The following FAM107B variants were observed in gnomAD, a reference collection of about 807,000 sequenced individuals.
FAM107B encodes protein FAM107B.
In FAM107B, 21 loss-of-function variants were observed where a neutral mutation model predicts 31.5. That is an observed-to-expected ratio of 0.67 (90% CI 0.47 to 0.96). The LOEUF is 0.96. Ranked by LOEUF, FAM107B falls within the 40% of genes least tolerant of loss-of-function variation. The probability of loss-of-function intolerance (pLI) is 0.00; values close to 1 mark genes in which losing one functional copy is unlikely to be tolerated. For missense variants in FAM107B, 452 were observed against 377.1 expected (o/e 1.20, Z -1.64); for synonymous variants, 157 against 141.5 (o/e 1.11, Z -0.78).
intron 1 of FAM107B, among the ~76,000 whole-genome samples, chr10:14,692,435 ACAAGG>A (rs1462062700): frequency 2.0e-5 from 3 of 152,142 alleles, no homozygotes; most frequent in Non-Finnish European, 2.9e-5. Flanking sequence ...TCCTTTAGGG[ACAAGG>A]GCAGATAACC....
rs192748636 is a variant in FAM107B, at chr10:14,611,431, G to A, written c.469+56203C>T. On this transcript the variant is annotated intron_variant, in intron 2 of 4. Transcript: ENST00000181796. ...TCTAGATACAGACATTTCCATTAGC[G>A]GGAAGTATCCTTTGGAATGCTTATA... Among the ~76,000 whole-genome samples, 1,118 of 147,974 alleles carry A rather than the reference G, an allele frequency of 7.6e-3. 29 individuals carry two copies. The highest frequency in any genetic ancestry group is 0.027 in the African/African-American group (1,069 of 40,132).
intron 2 of FAM107B, chr10:14,571,988 C>T: frequency 1.0e-6 from 1 of 985,398 alleles, no homozygotes; most frequent in African/African-American, 1.7e-5. Context: ...AGTAAGAATG[C>T]ACCTTCTGAC....
intron 1 of FAM107B, among the ~76,000 whole-genome samples, chr10:14,692,680 G>A (rs1036175436): frequency 6.6e-6 from 1 of 152,160 alleles, no homozygotes; most frequent in Non-Finnish European, 1.5e-5. Context: ...CGATTTGGAT[G>A]ATAAATTGTC....
intron 3 of FAM107B, chr10:14,527,999 CTTTTTTTT>C (rs57985098): frequency 5.5e-5 from 17 of 307,382 alleles, no homozygotes; most frequent in Non-Finnish European, 9.3e-5. Context: ...TCTGCCTTTT[CTTTTTTTT>C]TTTTTTAATG....
In FAM107B at chr10:14,648,574, T is replaced by C. The variant is rs1052661643; in HGVS notation, c.469+19060A>G. Among the ~76,000 whole-genome samples the C allele has an allele frequency of 5.3e-5, 8 of 152,172 alleles. No individual in the cohort carries two copies. The South Asian group carries it at 1.0e-3, about 20-fold the overall frequency. On this transcript the variant is annotated intron_variant, in intron 2 of 4. Coordinates refer to ENST00000181796, the MANE Select transcript of FAM107B (RefSeq NM_031453.4). ...CCAGCAGACACCGAAGAGCCAATGATACCAGGAGAAAACCAGAAGTGAATG... is the reference window on the plus strand; with the variant it reads ...CCAGCAGACACCGAAGAGCCAATGACACCAGGAGAAAACCAGAAGTGAATG...
chr10:14,730,405 C>T (rs1342324305), intron 1 of FAM107B, among the ~76,000 whole-genome samples: 1 of 152,054 alleles, frequency 6.6e-6, no homozygotes, highest in East Asian at 1.9e-4. Flanking sequence ...GATTTAAAGG[C>T]TAGAATTGGA....
At chr10:14,572,012 T>C (rs963604938) in intron 2 of FAM107B, 26 of 985,218 alleles carry the variant, frequency 2.6e-5, no homozygotes, top group African/African-American at 3.5e-5. Flanking sequence ...GGTAGTTCCT[T>C]AGAGCGGTGA....
At chr10:14,709,870 G>A (rs138225180) in intron 1 of FAM107B, among the ~76,000 whole-genome samples, 130 of 152,232 alleles carry the variant, frequency 8.5e-4, no homozygotes, top group African/African-American at 3.0e-3. Flanking sequence ...TCTGAAAAGC[G>A]CAAAACTATG....
chr10:14,752,159 G>A (rs1832842285), intron 1 of FAM107B, among the ~76,000 whole-genome samples: 1 of 152,188 alleles, frequency 6.6e-6, no homozygotes, highest in Admixed American at 6.5e-5. Flanking sequence ...CTAAGCCATG[G>A]GCTGTGGCCA....
intron 2 of FAM107B, among the ~76,000 whole-genome samples, chr10:14,566,036 C>T (rs926577556): frequency 2.6e-5 from 4 of 152,132 alleles, no homozygotes; most frequent in African/African-American, 9.7e-5. Flanking sequence ...GCCTGAGGGG[C>T]CCTACGCTTC....
intron 1 of FAM107B, among the ~76,000 whole-genome samples, chr10:14,719,181 G>A (rs1341085844): frequency 2.0e-5 from 3 of 152,166 alleles, no homozygotes; most frequent in Non-Finnish European, 2.9e-5. Flanking sequence ...CTGATTTTCA[G>A]TTCACTGGAC....
At chr10:14,646,901 C>T (rs142782259) in intron 2 of FAM107B, among the ~76,000 whole-genome samples, 1 of 142,876 alleles carries the variant, frequency 7.0e-6, no homozygotes, top group African/African-American at 2.6e-5. Context: ...TCACGCCATT[C>T]TCCTGCCTCA....
At chr10:14,548,666 G>A in intron 2 of FAM107B, 1 of 985,238 alleles carries the variant, frequency 1.0e-6, no homozygotes, top group Non-Finnish European at 1.2e-6. Context: ...AAGCCCCCGG[G>A]GGCCTTCCTC....
chr10:14,754,221 G>A (rs1588756833), intron 1 of FAM107B, among the ~76,000 whole-genome samples: 1 of 152,168 alleles, frequency 6.6e-6, no homozygotes, highest in African/African-American at 2.4e-5. Flanking sequence ...TTACAGGCGT[G>A]AGCCACCTTG....
chr10:14,718,399 GAA>G (rs1564270372), intron 1 of FAM107B, among the ~76,000 whole-genome samples: 2 of 146,746 alleles, frequency 1.4e-5, no homozygotes, highest in African/African-American at 5.1e-5. Flanking sequence ...GAAAGGAAAG[GAA>G]GAAAGAAAGA....
At chr10:14,668,275 C>T (rs1161441855) in intron 1 of FAM107B, among the ~76,000 whole-genome samples, 3 of 152,086 alleles carry the variant, frequency 2.0e-5, no homozygotes, top group Non-Finnish European at 4.4e-5. Context: ...GATCTCCTGA[C>T]CTCATGATCT....
At chr10:14,751,029 G>T (rs1832817088) in intron 1 of FAM107B, among the ~76,000 whole-genome samples, 1 of 152,182 alleles carries the variant, frequency 6.6e-6, no homozygotes, top group Non-Finnish European at 1.5e-5. Context: ...CCAAGGCATG[G>T]TTTCCATGGT....
intron 1 of FAM107B, among the ~76,000 whole-genome samples, chr10:14,767,288 C>T (rs1410268136): frequency 6.6e-6 from 1 of 151,156 alleles, no homozygotes; most frequent in African/African-American, 2.4e-5. Context: ...GACAGGGTTT[C>T]ACCATGCTGG....
intron 2 of FAM107B, among the ~76,000 whole-genome samples, chr10:14,659,504 T>C (rs1378457877): frequency 6.6e-6 from 1 of 152,134 alleles, no homozygotes; most frequent in Non-Finnish European, 1.5e-5. Context: ...GTTAAGGGAA[T>C]GGAAAGAAAG....
Sources: allele counts gnomAD v4.1 joint callset (sites outside exome capture counted in the v4.1 genomes callset), GRCh38; gene constraint gnomAD v4.1.1; transcripts MANE v1.5; gene names NCBI Gene and HGNC (gene_info 2026-07-23, HGNC 2026-07-21).